TNFAIP8: variants seen among roughly 807,000 people sequenced by gnomAD.
The protein encoded by TNFAIP8 is tumor necrosis factor alpha-induced protein 8.
TNFAIP8 carries 7 observed loss-of-function variants against 13.3 expected under a neutral mutation model. The ratio of observed to expected loss-of-function variants is 0.52; its 90% CI spans 0.30 to 0.99. TNFAIP8 has a LOEUF of 0.99. Ranked by LOEUF, TNFAIP8 falls within the 50% of genes least tolerant of loss-of-function variation. The pLI, the probability that TNFAIP8 is intolerant of heterozygous loss-of-function variation, is 0.07. For missense variants in TNFAIP8, 258 were observed against 236.9 expected (o/e 1.09, Z -0.58); for synonymous variants, 94 against 87.6 (o/e 1.07, Z -0.41).
chr5:119,371,860 G>A (rs909914966), intron 1 of TNFAIP8, among the ~76,000 whole-genome samples: 3 of 151,976 alleles, frequency 2.0e-5, no homozygotes, highest in Admixed American at 1.3e-4. Context: ...CATCTCGGCC[G>A]GGCGTGGTGG....
intron 1 of TNFAIP8, among the ~76,000 whole-genome samples, chr5:119,275,649 T>C (rs1170387813): frequency 6.6e-6 from 1 of 152,200 alleles, no homozygotes; most frequent in Non-Finnish European, 1.5e-5. Flanking sequence ...CCATGTTCTG[T>C]AACTTCCTCC....
At chr5:119,288,183 G>C (rs548160388) in intron 1 of TNFAIP8, among the ~76,000 whole-genome samples, 1 of 152,246 alleles carries the variant, frequency 6.6e-6, no homozygotes, top group South Asian at 2.1e-4. Context: ...ATATAGCTGT[G>C]ACCATAGAAT....
chr5:119,393,299 A>T lies in TNFAIP8; in HGVS notation c.515A>T (p.Tyr172Phe). 1 of 1,614,042 alleles carries T rather than the reference A, an allele frequency of 6.2e-7. No individual in the cohort carries two copies. Among genetic ancestry groups the T allele is most frequent in the Non-Finnish European group, 8.5e-7 (1 of 1,179,890 alleles). ...FSDCEFLAAL[Y>F]NPFGNFKPHL... ...GATTGTGAATTTTTGGCTGCCTTGT[A>T]TAATCCTTTTGGGAATTTTAAACCC... The change falls in exon 2 of 2, where the codon TAT becomes TTT. Residue 172 changes from tyrosine to phenylalanine, a missense_variant. Physicochemically the swap from Tyr to Phe is conservative, Grantham distance 22. Coordinates refer to ENST00000504771, the MANE Select transcript of TNFAIP8 (RefSeq NM_014350.4).
chr5:119,384,543 TGTA>T (rs1229637927), intron 1 of TNFAIP8, among the ~76,000 whole-genome samples: 1 of 152,160 alleles, frequency 6.6e-6, no homozygotes, highest in Non-Finnish European at 1.5e-5. Context: ...CCAGGGATAA[TGTA>T]GTACAAATTC....
chr5:119,330,215 C>T (rs1750333414), intron 1 of TNFAIP8, among the ~76,000 whole-genome samples: 1 of 152,126 alleles, frequency 6.6e-6, no homozygotes. Flanking sequence ...TTAATCTTGG[C>T]AGCCATGGCA....
intron 1 of TNFAIP8, among the ~76,000 whole-genome samples, chr5:119,328,850 G>C (rs1275081215): frequency 2.6e-5 from 4 of 152,196 alleles, no homozygotes; most frequent in African/African-American, 9.7e-5. Context: ...TTTTACATGA[G>C]GTTTTGCAAT....
At chr5:119,292,695 C>T (rs56108000) in intron 1 of TNFAIP8, among the ~76,000 whole-genome samples, 38,171 of 61,392 alleles carry the variant, frequency 0.62, 13,047 homozygotes, top group East Asian at 0.82. Context: ...TACACACACA[C>T]ACAATGAAAT....
rs578059767 is a variant in TNFAIP8, at chr5:119,378,737, A to G, written c.32-14079A>G. ...GGCAGGGAAGAAAAGCAATAGATTAAAAAAATGAAAATGCATTTCTTTTAC... is the reference window on the plus strand; with the variant it reads ...GGCAGGGAAGAAAAGCAATAGATTAGAAAAATGAAAATGCATTTCTTTTAC... On this transcript the variant is annotated intron_variant, in intron 1 of 1. Coordinates refer to ENST00000504771, the MANE Select transcript of TNFAIP8 (RefSeq NM_014350.4). 3.9e-5 allele frequency among the ~76,000 whole-genome samples: 6 copies of G among 152,322 alleles called. No individual in the cohort carries two copies. In the East Asian group the frequency reaches 1.2e-3, roughly 29 times the overall value.
chr5:119,391,966 A>C (rs1752910678), intron 1 of TNFAIP8, among the ~76,000 whole-genome samples: 1 of 152,238 alleles, frequency 6.6e-6, no homozygotes, highest in African/African-American at 2.4e-5. Context: ...CAGAAGTTAT[A>C]ATTCCAAAAG....
intron 1 of TNFAIP8, among the ~76,000 whole-genome samples, chr5:119,294,355 G>A (rs562159801): frequency 1.9e-4 from 29 of 152,154 alleles, no homozygotes; most frequent in African/African-American, 6.3e-4. Context: ...TTTCATCCAT[G>A]TCCCTACAAA....
At position 119,280,757 on chromosome 5, in the gene TNFAIP8, A is replaced by G. The variant is rs180835975; in HGVS notation, c.1+11850A>G. ...TTTATTTATTAGCTGGAATAATTTT[A>G]TAAGGATAGACGCCTTTTCAATCTG... On this transcript the variant is annotated intron_variant, in intron 1 of 1. Coordinates refer to the TNFAIP8 transcript ENST00000274456. Among the ~76,000 whole-genome samples, 237 of 150,462 alleles carry G rather than the reference A, an allele frequency of 1.6e-3. 1 individual carries two copies. The highest frequency in any genetic ancestry group is 5.5e-3 in the African/African-American group (230 of 41,480).
At chr5:119,345,744 T>C (rs994346637) in intron 1 of TNFAIP8, among the ~76,000 whole-genome samples, 5 of 152,156 alleles carry the variant, frequency 3.3e-5, no homozygotes, top group South Asian at 2.1e-4. Flanking sequence ...GGTACAGAGT[T>C]TCAGTTTTGC....
chr5:119,329,344 C>A (rs186377316), intron 1 of TNFAIP8, among the ~76,000 whole-genome samples: 3 of 152,318 alleles, frequency 2.0e-5, no homozygotes, highest in Non-Finnish European at 4.4e-5. Context: ...CCCACACTTA[C>A]CTTTTGTGCA....
At chr5:119,353,426 C>A (rs570382817), upstream of TNFAIP8, among the ~76,000 whole-genome samples, 131 of 152,324 alleles carry the variant, frequency 8.6e-4, no homozygotes, top group African/African-American at 2.9e-3. Flanking sequence ...CTGCCCAGAG[C>A]AGATGGCTTT....
intron 1 of TNFAIP8, among the ~76,000 whole-genome samples, chr5:119,338,539 C>T (rs1426364100): frequency 6.6e-6 from 1 of 152,226 alleles, no homozygotes; most frequent in African/African-American, 2.4e-5. Flanking sequence ...TACCCTCTGG[C>T]CTTTGTTGGA....
chr5:119,391,732 C>T (rs994740896), intron 1 of TNFAIP8, among the ~76,000 whole-genome samples: 8 of 145,238 alleles, frequency 5.5e-5, no homozygotes, highest in East Asian at 2.0e-4. Context: ...GCACTCCAGC[C>T]TGGGCAAAAA....
intron 1 of TNFAIP8, among the ~76,000 whole-genome samples, chr5:119,326,157 CTGAA>C (rs1750219173): frequency 6.6e-6 from 1 of 152,124 alleles, no homozygotes; most frequent in South Asian, 2.1e-4. Context: ...TTCATTCATG[CTGAA>C]TGAATGAAGA....
chr5:119,394,117 C>T lies in TNFAIP8; in HGVS notation c.*736C>T, dbSNP rs1373580497. 6.6e-6 allele frequency: 1 copy of T among 152,064 alleles called. No homozygotes were observed. The highest frequency in any genetic ancestry group is 1.5e-5 in the Non-Finnish European group (1 of 67,998). The allele number at this position is 152,064 out of a possible 1,614,324, so 9.4% of individuals were successfully genotyped here. ...TTGCTTAGGGCTTCTTTTATGTTAT[C>T]TTAAAAAGTGCTGGTGAATTTTCCA... On this transcript the variant is annotated 3_prime_UTR_variant, in exon 2 of 2. Coordinates refer to ENST00000504771, the MANE Select transcript of TNFAIP8 (RefSeq NM_014350.4).
At chr5:119,387,426 C>T (rs751160743) in intron 1 of TNFAIP8, among the ~76,000 whole-genome samples, 2 of 152,126 alleles carry the variant, frequency 1.3e-5, no homozygotes, top group African/African-American at 2.4e-5. Context: ...AATGTATGTA[C>T]ATCTGTTGTC....
Sources: allele counts gnomAD v4.1 joint callset (sites outside exome capture counted in the v4.1 genomes callset), GRCh38; gene constraint gnomAD v4.1.1; transcripts MANE v1.5; gene names NCBI Gene and HGNC (gene_info 2026-07-23, HGNC 2026-07-21).